ZNF385D: variants seen among roughly 807,000 people sequenced by gnomAD.
The protein encoded by ZNF385D is zinc finger protein 659.
ZNF385D carries 15 observed loss-of-function variants against 35.8 expected under a neutral mutation model. The observed-to-expected ratio is 0.42, with a 90% CI of 0.28 to 0.64. The LOEUF is 0.64. ZNF385D is among the 30% of genes least tolerant of loss of function. The probability of loss-of-function intolerance (pLI) is 0.23; values close to 1 mark genes in which losing one functional copy is unlikely to be tolerated. For missense variants in ZNF385D, 474 were observed against 494.6 expected, an observed-to-expected ratio of 0.96 and a Z score of 0.39; for synonymous variants, 212 against 186.8, an observed-to-expected ratio of 1.13 and a Z score of -1.10.
intron 3 of ZNF385D, among the ~76,000 whole-genome samples, chr3:21,542,165 C>T (rs2062195117): frequency 6.6e-6 from 1 of 152,052 alleles, no homozygotes; most frequent in African/African-American, 2.4e-5. Context: ...ATTTACTTCC[C>T]TTTAAAAATA....
At position 21,471,295 on chromosome 3, in the gene ZNF385D, TCACACACACACACACA is replaced by T. The variant is rs151185506; in HGVS notation, c.440-34108_440-34093del. On this transcript the variant is annotated intron_variant, in intron 4 of 7. Coordinates refer to ENST00000281523, the MANE Select transcript of ZNF385D (RefSeq NM_024697.3). Reference sequence around the variant, plus strand: ...CTCTTTCTCTCTCTCTCTCTCTCTCTCACACACACACACACACACACACACACACACACACACACAC... The same window carrying T: ...CTCTTTCTCTCTCTCTCTCTCTCTCTCACACACACACACACACACACACAC... Among the ~76,000 whole-genome samples, 19 of 86,238 alleles carry T rather than the reference TCACACACACACACACA, an allele frequency of 2.2e-4. 1 individual carries two copies. Among genetic ancestry groups the T allele is most frequent in the Admixed American group, 6.2e-4 (5 of 8,076 alleles). 56.6% of individuals were successfully genotyped at this position (86,238 alleles called of 152,430 possible).
At chr3:21,765,327 C>T (rs1286164272) in intron 3 of ZNF385D, among the ~76,000 whole-genome samples, 1 of 151,796 alleles carries the variant, frequency 6.6e-6, no homozygotes, top group African/African-American at 2.4e-5. Flanking sequence ...ATATAGGTAA[C>T]TTTGATGTAT....
intron 2 of ZNF385D, among the ~76,000 whole-genome samples, chr3:22,183,319 T>C (rs1300557266): frequency 4.6e-5 from 7 of 152,164 alleles, no homozygotes; most frequent in African/African-American, 1.7e-4. Context: ...TCTCAAGTGC[T>C]TTGATCTTCA....
In ZNF385D at chr3:22,368,359, T is replaced by C. The variant is rs188800436; in HGVS notation, c.106+4091A>G. Among the ~76,000 whole-genome samples the C allele has an allele frequency of 6.6e-5, 10 of 152,306 alleles. No individual in the cohort carries two copies. In the East Asian group the frequency reaches 1.5e-3, roughly 24 times the overall value. On this transcript the variant is annotated intron_variant, in intron 2 of 5. Transcript: ENST00000494108. ...AATATGATTGAAACCACATTTATAA[T>C]AGGATAAAGGCCTTGTAAAATAATT...
At chr3:21,876,699 T>A (rs1697992066) in intron 3 of ZNF385D, among the ~76,000 whole-genome samples, 1 of 148,670 alleles carries the variant, frequency 6.7e-6, no homozygotes, top group Non-Finnish European at 1.5e-5. Context: ...TATTTTTGAT[T>A]TTTTTTTTTA....
chr3:22,186,348 C>T (rs988389039), intron 2 of ZNF385D, among the ~76,000 whole-genome samples: 6 of 152,124 alleles, frequency 3.9e-5, no homozygotes. Flanking sequence ...TGAAGAAATA[C>T]TGACTTCAAG....
intron 1 of ZNF385D, among the ~76,000 whole-genome samples, chr3:21,717,735 T>C (rs1165472949): frequency 1.3e-5 from 2 of 152,302 alleles, no homozygotes; most frequent in Non-Finnish European, 2.9e-5. Flanking sequence ...CCCTTTCACT[T>C]GGTTCTCATT....
chr3:21,959,436 G>C (rs1576011667), intron 3 of ZNF385D, among the ~76,000 whole-genome samples: 2 of 152,074 alleles, frequency 1.3e-5, no homozygotes, highest in African/African-American at 4.8e-5. Flanking sequence ...TGTTTGTGAG[G>C]AACCAGTCAA....
In ZNF385D at chr3:22,096,489, C is replaced by G. The variant is rs201594874; in HGVS notation, c.325+72328G>C. Among the ~76,000 whole-genome samples the G allele has an allele frequency of 9.2e-5, 14 of 152,108 alleles. 1 individual carries two copies. Among genetic ancestry groups the G allele is most frequent in the Admixed American group, 5.9e-4 (9 of 15,234 alleles). On this transcript the variant is annotated intron_variant, in intron 3 of 5. Coordinates refer to the ZNF385D transcript ENST00000494108. ...GATTTAAAAATATAGAGACATATAACTCTAATAAGAACTCTCCTCATCAGA... is the reference window on the plus strand; with the variant it reads ...GATTTAAAAATATAGAGACATATAAGTCTAATAAGAACTCTCCTCATCAGA...
In ZNF385D at chr3:21,977,073, G is replaced by C. The variant is rs140689017; in HGVS notation, c.325+191744C>G. Among the ~76,000 whole-genome samples, 29 of 152,190 alleles carry C rather than the reference G, an allele frequency of 1.9e-4. No individual in the cohort carries two copies. In the East Asian group the frequency reaches 5.2e-3, roughly 27 times the overall value. On this transcript the variant is annotated intron_variant, in intron 3 of 5. Transcript: ENST00000494108. ...CATGGTATTGTACAAAACAAACCAG[G>C]TACAAAAGAGTACGTGTTGCATGAT...
intron 3 of ZNF385D, among the ~76,000 whole-genome samples, chr3:21,865,727 T>A (rs2125837586): frequency 6.6e-6 from 1 of 152,260 alleles, no homozygotes; most frequent in Admixed American, 6.5e-5. Flanking sequence ...ACAAACAGAA[T>A]TTTGTTCCCA....
In ZNF385D at chr3:21,510,848, A is replaced by G; in HGVS notation, c.439+13T>C. ...GACGACGAGGACAACAACAACAAAG[A>G]TCATTGCTTAACCTGTTTTGTCAGA... On this transcript the variant is annotated intron_variant, in intron 4 of 7. Coordinates refer to ENST00000281523, the MANE Select transcript of ZNF385D (RefSeq NM_024697.3). 1 of 1,613,704 alleles carries G rather than the reference A, an allele frequency of 6.2e-7. No homozygotes were observed. The highest frequency in any genetic ancestry group is 8.5e-7 in the Non-Finnish European group (1 of 1,179,680).
chr3:21,889,800 C>A (rs147383333), intron 3 of ZNF385D, among the ~76,000 whole-genome samples: 1 of 152,060 alleles, frequency 6.6e-6, no homozygotes, highest in Non-Finnish European at 1.5e-5. Flanking sequence ...GTTCTGGAGA[C>A]CAGAAGTTTG....
At chr3:21,668,324 A>G (rs1259051333) in intron 1 of ZNF385D, among the ~76,000 whole-genome samples, 1 of 151,958 alleles carries the variant, frequency 6.6e-6, no homozygotes, top group Non-Finnish European at 1.5e-5. Context: ...AAGCAGGAAA[A>G]CTCTGAAGCT....
At chr3:22,169,904 C>T (rs900075135) in intron 2 of ZNF385D, among the ~76,000 whole-genome samples, 2 of 152,156 alleles carry the variant, frequency 1.3e-5, no homozygotes, top group African/African-American at 4.8e-5. Context: ...AAGCAGTCCC[C>T]CCACTTTAGC....
intron 3 of ZNF385D, among the ~76,000 whole-genome samples, chr3:22,044,599 A>G (rs1041980989): frequency 3.3e-5 from 5 of 152,120 alleles, no homozygotes. Context: ...TATGTAGGGA[A>G]GGTGGTGATG....
chr3:22,199,611 A>G (rs1040050482), intron 2 of ZNF385D, among the ~76,000 whole-genome samples: 8 of 152,126 alleles, frequency 5.3e-5, no homozygotes, highest in Non-Finnish European at 1.0e-4. Flanking sequence ...GATTGTTACT[A>G]CTGGAGGAGA....
chr3:21,948,855 T>A (rs559861), intron 3 of ZNF385D, among the ~76,000 whole-genome samples: 107 of 152,046 alleles, frequency 7.0e-4, no homozygotes, highest in Admixed American at 1.2e-3. Context: ...GTCTTTGATC[T>A]AAAAATCTTG....
Position 21,629,098 on chromosome 3 carries a change from A to T in ZNF385D, c.165+35788T>A, listed in dbSNP as rs180713919. Among the ~76,000 whole-genome samples, 318 of 151,930 alleles carry T rather than the reference A, an allele frequency of 2.1e-3. 2 individuals are homozygous for T. The highest frequency in any genetic ancestry group is 5.1e-3 in the African/African-American group (210 of 41,486). On this transcript the variant is annotated intron_variant, in intron 2 of 7. Coordinates refer to ENST00000281523, the MANE Select transcript of ZNF385D (RefSeq NM_024697.3). ...AATGCAGAGGATCAGGCCTTTTTTT[A>T]AAAAAAATTGTGATCTGTTGATCTG...
Sources: allele counts gnomAD v4.1 joint callset (sites outside exome capture counted in the v4.1 genomes callset), GRCh38; gene constraint gnomAD v4.1.1; transcripts MANE v1.5; gene names NCBI Gene and HGNC (gene_info 2026-07-23, HGNC 2026-07-21).